Variants in CADM2 observed in about 807,000 individuals in gnomAD.
CADM2 encodes the protein immunoglobulin superfamily member 4D.
Under a neutral mutation model 49.8 loss-of-function variants are expected in CADM2, and 12 were observed. That is an observed-to-expected ratio of 0.24 (90% CI 0.15 to 0.39). CADM2 has a LOEUF of 0.39. CADM2 is among the 10% of genes least tolerant of loss of function. The pLI is 1.00. For synonymous variants in CADM2, 214 were observed against 175.4 expected, an observed-to-expected ratio of 1.22 and a Z score of -1.74; for missense variants, 378 against 492.3, an observed-to-expected ratio of 0.77 and a Z score of 2.20.
At chr3:85,779,647 G>C (rs1458856692) in intron 2 of CADM2, among the ~76,000 whole-genome samples, 1 of 152,112 alleles carries the variant, frequency 6.6e-6, no homozygotes, top group Non-Finnish European at 1.5e-5. Context: ...CCTCCCACCA[G>C]GTTCATCCCA....
chr3:84,977,588 A>G (rs2031901053), intron 1 of CADM2, among the ~76,000 whole-genome samples: 1 of 152,006 alleles, frequency 6.6e-6, no homozygotes, highest in South Asian at 2.1e-4. Flanking sequence ...ATGGGATGCA[A>G]TAATTAGGAC....
At chr3:85,619,136 G>T (rs1485801662) in intron 1 of CADM2, among the ~76,000 whole-genome samples, 1 of 152,048 alleles carries the variant, frequency 6.6e-6, no homozygotes, top group East Asian at 1.9e-4. Flanking sequence ...AACAGACAGG[G>T]TATTAAAATT....
At chr3:86,026,926 G>T (rs2107111433) in intron 8 of CADM2, among the ~76,000 whole-genome samples, 1 of 152,236 alleles carries the variant, frequency 6.6e-6, no homozygotes, top group Non-Finnish European at 1.5e-5. Flanking sequence ...GGTTAGGCAA[G>T]AACCTTGTAT....
At chr3:85,726,149 G>A (rs2067687775) in intron 1 of CADM2, among the ~76,000 whole-genome samples, 1 of 151,622 alleles carries the variant, frequency 6.6e-6, no homozygotes, top group South Asian at 2.1e-4. Context: ...AATATCATGG[G>A]GTTACAATCT....
At chr3:85,637,647 A>G (rs2064553823) in intron 1 of CADM2, among the ~76,000 whole-genome samples, 1 of 149,708 alleles carries the variant, frequency 6.7e-6, no homozygotes, top group East Asian at 1.9e-4. Flanking sequence ...AAATAAATAA[A>G]TAAATAAAAG....
At chr3:85,470,600 G>C (rs573907518) in intron 1 of CADM2, among the ~76,000 whole-genome samples, 1 of 152,052 alleles carries the variant, frequency 6.6e-6, no homozygotes, top group Non-Finnish European at 1.5e-5. Flanking sequence ...TTTTTGGATA[G>C]ATAAAATAAA....
chr3:85,300,827 C>T (rs1045929348), intron 1 of CADM2, among the ~76,000 whole-genome samples: 2 of 151,966 alleles, frequency 1.3e-5, no homozygotes, highest in South Asian at 2.1e-4. Context: ...GGGAGGGAGA[C>T]GTGCTTCTTG....
intron 2 of CADM2, among the ~76,000 whole-genome samples, chr3:85,768,717 C>T (rs940215708): frequency 4.9e-5 from 7 of 142,312 alleles, no homozygotes; most frequent in African/African-American, 1.0e-4. Flanking sequence ...CATATACACA[C>T]ATATAGTATA....
intron 1 of CADM2, among the ~76,000 whole-genome samples, chr3:85,371,507 A>T (rs779695678): frequency 7.3e-5 from 11 of 151,706 alleles, no homozygotes; most frequent in Non-Finnish European, 1.6e-4. Context: ...AGGCTATACC[A>T]TCTAGGCTTA....
At chr3:85,156,573 T>C (rs1040018794) in intron 1 of CADM2, among the ~76,000 whole-genome samples, 10 of 152,220 alleles carry the variant, frequency 6.6e-5, no homozygotes, top group African/African-American at 1.9e-4. Flanking sequence ...CCATTCCTTC[T>C]GAAACTATTC....
At chr3:85,225,450 T>G (rs1427230034) in intron 1 of CADM2, among the ~76,000 whole-genome samples, 2 of 152,164 alleles carry the variant, frequency 1.3e-5, no homozygotes, top group African/African-American at 4.8e-5. Flanking sequence ...CACATTGATT[T>G]TGCATCCGGA....
chr3:85,983,628 G>T (rs1402352989), intron 8 of CADM2, among the ~76,000 whole-genome samples: 1 of 151,536 alleles, frequency 6.6e-6, no homozygotes, highest in African/African-American at 2.4e-5. Context: ...TTAATGAAAT[G>T]GTAGATTTTC....
At chr3:85,138,823 T>A (rs2039494416) in intron 1 of CADM2, among the ~76,000 whole-genome samples, 1 of 152,180 alleles carries the variant, frequency 6.6e-6, no homozygotes, top group Non-Finnish European at 1.5e-5. Flanking sequence ...CACGTTCACA[T>A]TTCATTGGCT....
rs201552618 is a variant in CADM2, at chr3:85,769,623, G to GTA, written c.89-32415_89-32414dup. On this transcript the variant is annotated intron_variant, in intron 2 of 9. Transcript: ENST00000383699. ...ACATATATACATATATACATATATA[G>GTA]TATATATATACACATATATACATAT... Among the ~76,000 whole-genome samples, 68 of 36,840 alleles carry GTA rather than the reference G, an allele frequency of 1.8e-3. 4 individuals carry two copies. The East Asian group carries it at 0.065, about 35-fold the overall frequency. 24.2% of individuals were successfully genotyped at this position (36,840 alleles called of 152,430 possible).
At chr3:85,589,174 C>T (rs1226921740) in intron 1 of CADM2, among the ~76,000 whole-genome samples, 2 of 151,754 alleles carry the variant, frequency 1.3e-5, no homozygotes, top group Non-Finnish European at 2.9e-5. Context: ...GGGGTGTCAC[C>T]CTGTAATGAG....
At chr3:85,983,732 C>T (rs1318037888) in intron 8 of CADM2, among the ~76,000 whole-genome samples, 1 of 151,432 alleles carries the variant, frequency 6.6e-6, no homozygotes, top group Non-Finnish European at 1.5e-5. Flanking sequence ...TTGTATGAAA[C>T]AAACATTAGA....
intron 1 of CADM2, among the ~76,000 whole-genome samples, chr3:85,257,551 G>T (rs530743315): frequency 6.6e-6 from 1 of 152,152 alleles, no homozygotes; most frequent in African/African-American, 2.4e-5. Context: ...AATTTTGAAG[G>T]TAATGAGAAG....
intron 1 of CADM2, among the ~76,000 whole-genome samples, chr3:85,376,021 T>C (rs1038991387): frequency 6.6e-6 from 1 of 152,158 alleles, no homozygotes; most frequent in African/African-American, 2.4e-5. Context: ...ATGCATTATG[T>C]AATTTAATCT....
At chr3:85,739,151 C>A (rs963152779) in intron 2 of CADM2, among the ~76,000 whole-genome samples, 4 of 152,012 alleles carry the variant, frequency 2.6e-5, no homozygotes, top group African/African-American at 9.7e-5. Context: ...AGGAAGTTTG[C>A]ATTATCACTT....
Sources: gnomAD v4.1 joint callset for allele counts (sites outside exome capture counted in the v4.1 genomes callset) on GRCh38, gnomAD v4.1.1 for gene constraint, MANE v1.5 for transcripts, NCBI Gene and HGNC (gene_info 2026-07-23, HGNC 2026-07-21) for gene names.